Variants in TLE1 observed in about 807,000 individuals in gnomAD.
TLE1 encodes the protein transducin-like enhancer protein 1.
In TLE1, 21 loss-of-function variants were observed where a neutral mutation model predicts 89.8. That is an observed-to-expected ratio of 0.23 (90% CI 0.17 to 0.34). TLE1 has a LOEUF of 0.34. Among genes scored for constraint, TLE1 ranks in the 10% least tolerant of loss-of-function variants. The pLI is 1.00. For synonymous variants in TLE1, 447 were observed against 407.6 expected, an observed-to-expected ratio of 1.10 and a Z score of -1.16; for missense variants, 795 against 1,031.2, an observed-to-expected ratio of 0.77 and a Z score of 3.14.
In TLE1 at chr9:81,583,981, G is replaced by T. The variant is rs1203589027; in HGVS notation, c.*217C>A. 1 of 538,156 alleles carries T rather than the reference G, an allele frequency of 1.9e-6. No individual in the cohort carries two copies. Among genetic ancestry groups the T allele is most frequent in the Non-Finnish European group, 3.3e-6 (1 of 300,532 alleles). The allele number at this position is 538,156 out of a possible 1,614,324, so 33.3% of individuals were successfully genotyped here. A position where few individuals can be genotyped will look rare whatever the true frequency, so the allele number is the denominator to read the frequency against. On this transcript the variant is annotated 3_prime_UTR_variant, in exon 20 of 20. Coordinates refer to ENST00000376499, the MANE Select transcript of TLE1 (RefSeq NM_005077.5). ...CCTACAACCCATGGCCCCTCTGTCC[G>T]CTTGGCCTTGGTGCTCCATTTGGTC...
chr9:81,654,957 C>G (rs1318483270), intron 4 of TLE1, among the ~76,000 whole-genome samples: 1 of 152,184 alleles, frequency 6.6e-6, no homozygotes, highest in Non-Finnish European at 1.5e-5. Flanking sequence ...CCTGAGTATT[C>G]GGAAAGTTTC....
Position 81,659,178 on chromosome 9 carries a change from G to A in TLE1, c.235-5142C>T, listed in dbSNP as rs558535292. 5.3e-5 allele frequency among the ~76,000 whole-genome samples: 8 copies of A among 152,236 alleles called. No homozygotes were observed. The South Asian group carries it at 1.7e-3, about 32-fold the overall frequency. ...CCACCTCAGCCTCCCAAAGTGGTGG[G>A]ATTACAGGCGTGAGCCACCGCGCCT... On this transcript the variant is annotated intron_variant, in intron 4 of 19. Coordinates refer to ENST00000376499, the MANE Select transcript of TLE1 (RefSeq NM_005077.5).
At chr9:81,640,116 C>A (rs1827923196) in intron 6 of TLE1, among the ~76,000 whole-genome samples, 1 of 152,048 alleles carries the variant, frequency 6.6e-6, no homozygotes, top group Admixed American at 6.6e-5. Flanking sequence ...CTACAATGCA[C>A]AGGACAGCCC....
rs978283799 is a variant in TLE1, at chr9:81,688,901, G to C, written c.-661C>G. 2.0e-5 allele frequency: 3 copies of C among 152,466 alleles called. No homozygotes were observed. Among genetic ancestry groups the C allele is most frequent in the African/African-American group, 7.2e-5 (3 of 41,480 alleles). The allele number at this position is 152,466 out of a possible 1,614,324, so 9.4% of individuals were successfully genotyped here. On this transcript the variant is annotated 5_prime_UTR_variant, in exon 1 of 20. Coordinates refer to ENST00000376499, the MANE Select transcript of TLE1 (RefSeq NM_005077.5). ...TGGCCGGGGAGCGACGGATGACGAG[G>C]CGGGGAAAGTGCGGAGGGCGCGCCG...
At chr9:81,662,359 TTTTGTGTGTG>T (rs757896827) in intron 4 of TLE1, among the ~76,000 whole-genome samples, 4 of 91,908 alleles carry the variant, frequency 4.4e-5, no homozygotes, top group South Asian at 4.0e-4. Flanking sequence ...AGTGTGCCTG[TTTTGTGTGTG>T]TGTGTGTGTG....
rs564120571 is a variant in TLE1, at chr9:81,592,955, C to A, written c.1581+70G>T. On this transcript the variant is annotated intron_variant, in intron 15 of 19. Transcript: ENST00000376499. ...CTCATAATGGGAATAAAACCCAGGCCCACACAGCTATTTCCTTATTGAATC... is the reference window on the plus strand; with the variant it reads ...CTCATAATGGGAATAAAACCCAGGCACACACAGCTATTTCCTTATTGAATC... 33 of 1,554,474 alleles carry A rather than the reference C, an allele frequency of 2.1e-5. 2 individuals carry two copies. The South Asian group carries it at 3.5e-4, about 17-fold the overall frequency.
intron 4 of TLE1, among the ~76,000 whole-genome samples, chr9:81,657,270 T>A (rs114958446): frequency 0.042 from 6,413 of 152,252 alleles, 138 homozygotes; most frequent in African/African-American, 0.045. Context: ...CTTAATATGA[T>A]TTTTTTGCTG....
intron 4 of TLE1, among the ~76,000 whole-genome samples, chr9:81,654,559 T>A (rs1829935826): frequency 6.6e-6 from 1 of 152,180 alleles, no homozygotes; most frequent in South Asian, 2.1e-4. Flanking sequence ...GCCAGGATGG[T>A]CTCGATCTCC....
chr9:81,670,966 C>G (rs1321568665), intron 4 of TLE1, among the ~76,000 whole-genome samples: 3 of 151,796 alleles, frequency 2.0e-5, no homozygotes, highest in East Asian at 2.0e-4. Context: ...GTCAGGAGTT[C>G]GAGACCAGCC....
intron 4 of TLE1, among the ~76,000 whole-genome samples, chr9:81,662,816 G>T (rs971786731): frequency 1.3e-5 from 2 of 151,990 alleles, no homozygotes; most frequent in Admixed American, 1.3e-4. Flanking sequence ...CAGTGACTTG[G>T]AATCATTGCC....
chr9:81,610,327 A>C, intron 13 of TLE1, 31 bp from the exon 14 acceptor site: 1 of 1,553,646 alleles, frequency 6.4e-7, no homozygotes, highest in Non-Finnish European at 8.9e-7. Flanking sequence ...TTGCAGACTC[A>C]GTTTATTGCA....
intron 13 of TLE1, among the ~76,000 whole-genome samples, 188 bp downstream of exon 13, chr9:81,611,577 AGCAT>A (rs1823711439): frequency 6.6e-6 from 1 of 152,256 alleles, no homozygotes; most frequent in Admixed American, 6.5e-5. Context: ...TTAATGAAGC[AGCAT>A]GCTGATGAAA....
Position 81,613,459 on chromosome 9 carries a change from T to C in TLE1, c.981A>G (p.Pro327=). Reference sequence around the variant, plus strand: ...CTGGAGTGGCGCTGGTGCCCGGCGTTGGCATGTCGCTCCGAGGCGTTGGTG... The same window carrying C: ...CTGGAGTGGCGCTGGTGCCCGGCGTCGGCATGTCGCTCCGAGGCGTTGGTG... ...SSTPTPRSDM[P]TPGTSATPGL... The change falls in exon 12 of 20, where the codon CCA becomes CCG. Residue 327 remains proline, a synonymous_variant. Transcript: ENST00000376499. 6.2e-7 allele frequency: 1 copy of C among 1,614,194 alleles called. No individual in the cohort carries two copies. Among genetic ancestry groups the C allele is most frequent in the Non-Finnish European group, 8.5e-7 (1 of 1,180,030 alleles).
intron 4 of TLE1, among the ~76,000 whole-genome samples, chr9:81,673,480 G>A (rs1030211026): frequency 2.6e-5 from 4 of 152,102 alleles, no homozygotes; most frequent in Middle Eastern, 6.8e-3. Flanking sequence ...CAAGAGCAGG[G>A]GTAGAGTTTT....
At chr9:81,672,273 A>G (rs1832319945) in intron 4 of TLE1, among the ~76,000 whole-genome samples, 1 of 151,938 alleles carries the variant, frequency 6.6e-6, no homozygotes, top group Admixed American at 6.6e-5. Context: ...AACAGCCTAA[A>G]CTTCCAGTTT....
In TLE1 at chr9:81,585,363, G is replaced by A. The variant is rs1828246500; in HGVS notation, c.2128+142C>T. ...GAAACAGACATTGCTGTGCTCTGAA[G>A]GGCATATTAAAACAATAGAATTATT... On this transcript the variant is annotated intron_variant, in intron 18 of 19. Transcript: ENST00000376499. 4 of 1,060,036 alleles carry A rather than the reference G, an allele frequency of 3.8e-6. 1 individual carries two copies. Among genetic ancestry groups the A allele is most frequent in the Admixed American group, 5.3e-5 (2 of 37,598 alleles). The allele number at this position is 1,060,036 out of a possible 1,614,324, so 65.7% of individuals were successfully genotyped here.
At chr9:81,648,858 TA>T (rs1434131959) in intron 6 of TLE1, among the ~76,000 whole-genome samples, 4 of 152,178 alleles carry the variant, frequency 2.6e-5, no homozygotes, top group African/African-American at 9.6e-5. Context: ...GATCCTGATC[TA>T]AAAACTCAAG....
intron 14 of TLE1, among the ~76,000 whole-genome samples, chr9:81,605,886 G>C (rs1450895464): frequency 2.0e-5 from 3 of 150,146 alleles, no homozygotes; most frequent in African/African-American, 7.3e-5. Context: ...CTGACAAAGG[G>C]CTAATATCCA....
chr9:81,615,896 C>A, intron 11 of TLE1, 86 bp downstream of exon 11: 8 of 1,529,046 alleles, frequency 5.2e-6, no homozygotes, highest in Non-Finnish European at 7.1e-6. Flanking sequence ...GCAGCAAAAC[C>A]CCCACATTTC....
Sources: gnomAD v4.1 joint callset for allele counts (sites outside exome capture counted in the v4.1 genomes callset) on GRCh38, gnomAD v4.1.1 for gene constraint, MANE v1.5 for transcripts, NCBI Gene and HGNC (gene_info 2026-07-23, HGNC 2026-07-21) for gene names.